GPC6: variants seen among roughly 807,000 people sequenced by gnomAD.
GPC6 encodes glypican 6, also known as glypican-6.
A neutral mutation model predicts 55.2 loss-of-function variants in GPC6; 14 were observed. The observed-to-expected ratio is 0.25, with a 90% confidence interval of 0.17 to 0.40. GPC6 has a LOEUF of 0.40. Ranked by LOEUF, GPC6 falls within the 10% of genes least tolerant of loss-of-function variation. The pLI is 1.00. For synonymous variants in GPC6, 278 were observed against 259.6 expected (o/e 1.07, Z -0.68); for missense variants, 641 against 708.5 (o/e 0.90, Z 1.08).
At chr13:93,417,580 G>C (rs919074310) in intron 1 of GPC6, among the ~76,000 whole-genome samples, 1 of 152,176 alleles carries the variant, frequency 6.6e-6, no homozygotes. Context: ...AAAATGAGGT[G>C]GGGGAGAGGA....
intron 3 of GPC6, among the ~76,000 whole-genome samples, chr13:94,001,855 A>G (rs1881818726): frequency 6.6e-6 from 1 of 152,194 alleles, no homozygotes; most frequent in Non-Finnish European, 1.5e-5. Context: ...ACCATTGCAC[A>G]AGAGGGAAAA....
At chr13:93,507,788 G>A (rs1880793328) in intron 1 of GPC6, among the ~76,000 whole-genome samples, 1 of 152,028 alleles carries the variant, frequency 6.6e-6, no homozygotes, top group Non-Finnish European at 1.5e-5. Flanking sequence ...TTGACAGGAG[G>A]GAATGAGGAG....
chr13:93,556,414 A>G (rs1326427308), intron 2 of GPC6, among the ~76,000 whole-genome samples: 1 of 145,206 alleles, frequency 6.9e-6, no homozygotes, highest in Admixed American at 6.9e-5. Flanking sequence ...ATATGTATAT[A>G]TATATATATA....
At chr13:93,504,480 T>A (rs949035796) in intron 1 of GPC6, among the ~76,000 whole-genome samples, 9 of 117,240 alleles carry the variant, frequency 7.7e-5, no homozygotes, top group Non-Finnish European at 1.3e-4. Flanking sequence ...AAAAACAACA[T>A]AGTTTTTTTT....
the GPC6 span, among the ~76,000 whole-genome samples, chr13:93,220,177 GAGT>G: frequency 6.6e-6 from 1 of 152,110 alleles, no homozygotes; most frequent in African/African-American, 2.4e-5. Flanking sequence ...TTTTAATAAA[GAGT>G]AAATGTTCCA....
chr13:93,365,172 C>T (rs1377153404), intron 1 of GPC6, among the ~76,000 whole-genome samples: 2 of 152,086 alleles, frequency 1.3e-5, no homozygotes, highest in East Asian at 3.9e-4. Context: ...CAGTAAACTG[C>T]AAGTTTATCC....
At chr13:94,398,896 G>A (rs188435896) in intron 8 of GPC6, among the ~76,000 whole-genome samples, 2 of 152,256 alleles carry the variant, frequency 1.3e-5, no homozygotes, top group Non-Finnish European at 2.9e-5. Flanking sequence ...CTGAAATTGA[G>A]TTTCATCTAC....
chr13:94,174,896 G>A (rs1226933278), intron 4 of GPC6, among the ~76,000 whole-genome samples: 1 of 152,182 alleles, frequency 6.6e-6, no homozygotes, highest in East Asian at 1.9e-4. Flanking sequence ...CTAATCTCAT[G>A]TGTGCAGCTC....
At chr13:93,599,214 T>A (rs1337393527) in intron 2 of GPC6, among the ~76,000 whole-genome samples, 1 of 152,018 alleles carries the variant, frequency 6.6e-6, no homozygotes, top group Non-Finnish European at 1.5e-5. Flanking sequence ...CTGAACTATT[T>A]ATAGATATAC....
intron 1 of GPC6, among the ~76,000 whole-genome samples, chr13:93,322,853 T>C (rs1368449693): frequency 6.6e-6 from 1 of 152,166 alleles, no homozygotes; most frequent in Admixed American, 6.5e-5. Flanking sequence ...GTTGGTTAAA[T>C]AGGTATACGC....
chr13:93,939,880 T>C (rs1303242688), intron 3 of GPC6, among the ~76,000 whole-genome samples: 1 of 152,164 alleles, frequency 6.6e-6, no homozygotes, highest in East Asian at 1.9e-4. Context: ...TAAAAGCTTT[T>C]TTTCAGACAG....
At chr13:93,975,633 T>C (rs890025201) in intron 3 of GPC6, among the ~76,000 whole-genome samples, 2 of 152,194 alleles carry the variant, frequency 1.3e-5, no homozygotes, top group African/African-American at 4.8e-5. Flanking sequence ...TTAGTTCTGT[T>C]GACCCAATGC....
intron 4 of GPC6, among the ~76,000 whole-genome samples, chr13:94,284,428 G>C (rs1199331382): frequency 6.6e-6 from 1 of 151,474 alleles, no homozygotes; most frequent in South Asian, 2.1e-4. Flanking sequence ...TGGGGATGGG[G>C]GTTATTATAT....
chr13:93,556,155 A>T (rs372960699), intron 2 of GPC6, among the ~76,000 whole-genome samples: 87 of 152,110 alleles, frequency 5.7e-4, no homozygotes, highest in African/African-American at 2.0e-3. Flanking sequence ...ACTTTTGCAG[A>T]TGTATACTGT....
At position 94,324,974 on chromosome 13, in the gene GPC6, A is replaced by AG. The variant is rs1241008503; in HGVS notation, c.1152+18855dup. ...TCCCAGGGCCGAATGTTCTGTTCCCAGGGGCCTAACGTTAGAATCCTCGTG... is the reference window on the plus strand; with the variant it reads ...TCCCAGGGCCGAATGTTCTGTTCCCAGGGGGCCTAACGTTAGAATCCTCGTG... On this transcript the variant is annotated intron_variant, in intron 6 of 8. Coordinates refer to ENST00000377047, the MANE Select transcript of GPC6 (RefSeq NM_005708.5). Among the ~76,000 whole-genome samples, 14 of 152,274 alleles carry AG rather than the reference A, an allele frequency of 9.2e-5. 1 individual carries two copies. Among genetic ancestry groups the AG allele is most frequent in the East Asian group, 7.7e-4 (4 of 5,166 alleles).
At chr13:94,374,891 C>T (rs1879766406) in intron 6 of GPC6, among the ~76,000 whole-genome samples, 1 of 140,988 alleles carries the variant, frequency 7.1e-6, no homozygotes, top group Non-Finnish European at 1.5e-5. Flanking sequence ...CAAACTAGAA[C>T]TCAGGATTAA....
At chr13:93,933,392 A>G (rs780831106) in intron 3 of GPC6, among the ~76,000 whole-genome samples, 31 of 151,994 alleles carry the variant, frequency 2.0e-4, no homozygotes, top group Non-Finnish European at 3.7e-4. Context: ...AGGTTGAGAA[A>G]CTCTGACATA....
chr13:93,971,563 C>CAA (rs1880284356), intron 3 of GPC6, among the ~76,000 whole-genome samples: 1 of 152,196 alleles, frequency 6.6e-6, no homozygotes, highest in Non-Finnish European at 1.5e-5. Context: ...AAAGGAAGCT[C>CAA]TCCCACATTG....
At chr13:93,697,593 A>C (rs939843208) in intron 2 of GPC6, among the ~76,000 whole-genome samples, 4 of 152,212 alleles carry the variant, frequency 2.6e-5, no homozygotes, top group African/African-American at 9.6e-5. Context: ...TAGACAACGA[A>C]TTAGCATAGT....
Sources: gnomAD v4.1 joint callset for allele counts (sites outside exome capture counted in the v4.1 genomes callset) on GRCh38, gnomAD v4.1.1 for gene constraint, MANE v1.5 for transcripts, NCBI Gene and HGNC (gene_info 2026-07-23, HGNC 2026-07-21) for gene names.